DLG2: variants seen among roughly 807,000 people sequenced by gnomAD.
The protein encoded by DLG2 is disks large homolog 2.
DLG2 carries 45 observed loss-of-function variants against 132.5 expected under a neutral mutation model. That is an observed-to-expected ratio of 0.34 (90% CI 0.27 to 0.44). The LOEUF is 0.44. DLG2 is among the 20% of genes least tolerant of loss of function. The pLI, the probability that DLG2 is intolerant of heterozygous loss-of-function variation, is 1.00. For missense variants in DLG2, 1,045 were observed against 1,196.9 expected (o/e 0.87, Z 1.87); for synonymous variants, 424 against 419.6 (o/e 1.01, Z -0.13).
chr11:85,508,609 T>C (rs924427452), intron 3 of DLG2, among the ~76,000 whole-genome samples: 6 of 152,074 alleles, frequency 3.9e-5, no homozygotes, highest in Non-Finnish European at 8.8e-5. Flanking sequence ...TTTTGTTAAC[T>C]GATATATCTC....
chr11:84,958,965 T>G (rs1285012172), intron 6 of DLG2, among the ~76,000 whole-genome samples: 1 of 152,178 alleles, frequency 6.6e-6, no homozygotes, highest in Non-Finnish European at 1.5e-5. Context: ...AACACACTTC[T>G]TAGACTTGAT....
chr11:85,161,604 C>T (rs1033941654), intron 4 of DLG2, among the ~76,000 whole-genome samples: 4 of 152,188 alleles, frequency 2.6e-5, no homozygotes, highest in African/African-American at 7.2e-5. Flanking sequence ...TCACGGAATG[C>T]CTTAACCACA....
At chr11:84,231,617 A>C (rs1179475214) in intron 8 of DLG2, among the ~76,000 whole-genome samples, 1 of 152,196 alleles carries the variant, frequency 6.6e-6, no homozygotes, top group Non-Finnish European at 1.5e-5. Flanking sequence ...ATCATAGGGA[A>C]TATTGTGTGA....
intron 8 of DLG2, among the ~76,000 whole-genome samples, chr11:84,209,185 C>T (rs1445865622): frequency 1.3e-5 from 2 of 152,142 alleles, no homozygotes; most frequent in East Asian, 3.9e-4. Flanking sequence ...CAGTTGACCT[C>T]TGTGATATTC....
At chr11:84,316,634 T>C (rs1300112584) in intron 7 of DLG2, among the ~76,000 whole-genome samples, 1 of 152,150 alleles carries the variant, frequency 6.6e-6, no homozygotes, top group Non-Finnish European at 1.5e-5. Flanking sequence ...ACGGCATCCC[T>C]AGACTTTCAC....
intron 3 of DLG2, among the ~76,000 whole-genome samples, chr11:85,589,033 C>G (rs1565726694): frequency 6.6e-6 from 1 of 152,202 alleles, no homozygotes; most frequent in Non-Finnish European, 1.5e-5. Flanking sequence ...ACCTTCAGGT[C>G]TCCCAGCCAT....
At chr11:84,589,016 A>T (rs2154530269) in intron 6 of DLG2, among the ~76,000 whole-genome samples, 1 of 152,256 alleles carries the variant, frequency 6.6e-6, no homozygotes, top group East Asian at 1.9e-4. Flanking sequence ...AATAGTGAGG[A>T]AACCCCTGAC....
rs529293170 is a variant in DLG2, at chr11:83,455,207, A to G, written c.*4611T>C. On this transcript the variant is annotated 3_prime_UTR_variant, in exon 28 of 28. Coordinates refer to ENST00000376104, the MANE Select transcript of DLG2 (RefSeq NM_001142699.3). The stretch of plus-strand genomic sequence containing the variant: ...TAATCGTGTGTGCTTTATTTTTTAC[A>G]CAAATGGAATGGAAGTGTTGAATAT... 2 of 152,754 alleles carry G rather than the reference A, an allele frequency of 1.3e-5. No individual in the cohort carries two copies. Among genetic ancestry groups the G allele is most frequent in the East Asian group, 3.9e-4 (2 of 5,184 alleles). The allele number at this position is 152,754 out of a possible 1,614,324, so 9.5% of individuals were successfully genotyped here. A position where few individuals can be genotyped will look rare whatever the true frequency, so the allele number is the denominator to read the frequency against.
intron 3 of DLG2, among the ~76,000 whole-genome samples, chr11:85,560,474 C>T (rs1021159232): frequency 6.6e-6 from 1 of 151,738 alleles, no homozygotes; most frequent in Non-Finnish European, 1.5e-5. Flanking sequence ...GTGAAAGAAA[C>T]TAGACATGAA....
At chr11:85,436,781 G>A (rs1015440278) in intron 3 of DLG2, among the ~76,000 whole-genome samples, 4 of 152,138 alleles carry the variant, frequency 2.6e-5, no homozygotes, top group Non-Finnish European at 5.9e-5. Context: ...AATACCATTC[G>A]ACCTAGCAAT....
At chr11:84,751,131 T>C (rs906388354) in intron 6 of DLG2, among the ~76,000 whole-genome samples, 1 of 152,118 alleles carries the variant, frequency 6.6e-6, no homozygotes, top group African/African-American at 2.4e-5. Flanking sequence ...TGTTCGACTC[T>C]TATATCAAAA....
chr11:84,859,427 CATATAT>C (rs1387004062), intron 6 of DLG2, among the ~76,000 whole-genome samples: 1 of 140,860 alleles, frequency 7.1e-6, no homozygotes, highest in East Asian at 2.0e-4. Context: ...TATACATATA[CATATAT>C]ATGTATATAT....
intron 6 of DLG2, among the ~76,000 whole-genome samples, chr11:84,707,966 G>C (rs779376852): frequency 6.6e-6 from 1 of 151,752 alleles, no homozygotes; most frequent in Non-Finnish European, 1.5e-5. Context: ...GACTTTCCCT[G>C]GGCTCAGAGT....
At chr11:84,949,871 G>A (rs1489316451) in intron 6 of DLG2, among the ~76,000 whole-genome samples, 1 of 152,162 alleles carries the variant, frequency 6.6e-6, no homozygotes, top group Non-Finnish European at 1.5e-5. Context: ...TTAAAGACAG[G>A]CATAGGAAAT....
At chr11:85,596,984 C>T (rs758729647) in intron 3 of DLG2, among the ~76,000 whole-genome samples, 6 of 152,208 alleles carry the variant, frequency 3.9e-5, no homozygotes, top group Non-Finnish European at 7.3e-5. Context: ...GTAAATCTAT[C>T]CATTCAAAGC....
chr11:84,575,534 T>C (rs1221704325), intron 6 of DLG2, among the ~76,000 whole-genome samples: 1 of 152,218 alleles, frequency 6.6e-6, no homozygotes, highest in East Asian at 1.9e-4. Flanking sequence ...TCATGTTAAA[T>C]GTATCTTTTA....
intron 6 of DLG2, among the ~76,000 whole-genome samples, chr11:84,849,823 C>G (rs2081966764): frequency 6.6e-6 from 1 of 152,110 alleles, no homozygotes; most frequent in African/African-American, 2.4e-5. Context: ...ATGACATTAT[C>G]TATCTTTTTC....
intron 6 of DLG2, among the ~76,000 whole-genome samples, chr11:85,074,198 A>G (rs2066231543): frequency 6.6e-6 from 1 of 151,884 alleles, no homozygotes; most frequent in Non-Finnish European, 1.5e-5. Flanking sequence ...TGCAACATGC[A>G]ATTTACCTAG....
chr11:83,813,821 C>T (rs951374330), intron 17 of DLG2, among the ~76,000 whole-genome samples: 1 of 152,076 alleles, frequency 6.6e-6, no homozygotes, highest in African/African-American at 2.4e-5. Context: ...TTATCAAATC[C>T]TTCCAGGTGC....
Sources: gnomAD v4.1 joint callset for allele counts (sites outside exome capture counted in the v4.1 genomes callset) on GRCh38, gnomAD v4.1.1 for gene constraint, MANE v1.5 for transcripts, NCBI Gene and HGNC (gene_info 2026-07-23, HGNC 2026-07-21) for gene names.